The following GPC6 variants were observed in gnomAD, a reference collection of about 807,000 sequenced individuals.
GPC6 encodes the protein glypican 6, also known as glypican-6.
Under a neutral mutation model 55.2 loss-of-function variants are expected in GPC6, and 14 were observed. The observed-to-expected ratio is 0.25, with a 90% CI of 0.17 to 0.40. GPC6 has a LOEUF of 0.40. GPC6 is among the 10% of genes least tolerant of loss of function. The pLI is 1.00. For missense variants in GPC6, 641 were observed against 708.5 expected (o/e 0.90, Z 1.08); for synonymous variants, 278 against 259.6 (o/e 1.07, Z -0.68).
chr13:94,372,398 T>C (rs1879596805), intron 6 of GPC6, among the ~76,000 whole-genome samples: 1 of 152,116 alleles, frequency 6.6e-6, no homozygotes, highest in South Asian at 2.1e-4. Context: ...TTGCCTCACT[T>C]GGGAAGCGCA....
chr13:93,354,042 A>G (rs1880734913), intron 1 of GPC6, among the ~76,000 whole-genome samples: 1 of 152,158 alleles, frequency 6.6e-6, no homozygotes, highest in South Asian at 2.1e-4. Context: ...ATTATGATCT[A>G]TTTTTCTAAA....
intron 1 of GPC6, among the ~76,000 whole-genome samples, chr13:93,291,680 A>T (rs1431691399): frequency 6.6e-6 from 1 of 152,050 alleles, no homozygotes. Context: ...TTCATTTTTG[A>T]AATATAATTC....
intron 2 of GPC6, among the ~76,000 whole-genome samples, chr13:93,667,220 T>G (rs1881173093): frequency 6.6e-6 from 1 of 152,164 alleles, no homozygotes; most frequent in South Asian, 2.1e-4. Context: ...TTGAGGATTA[T>G]TGACATAACA....
chr13:94,307,820 G>A (rs1440404328), intron 6 of GPC6, among the ~76,000 whole-genome samples: 1 of 152,148 alleles, frequency 6.6e-6, no homozygotes, highest in Admixed American at 6.5e-5. Flanking sequence ...TGGTGAGTAT[G>A]GGTTTGGTCC....
chr13:93,585,499 G>A (rs1877150295), intron 2 of GPC6, among the ~76,000 whole-genome samples: 1 of 152,160 alleles, frequency 6.6e-6, no homozygotes, highest in South Asian at 2.1e-4. Flanking sequence ...ACTAAGTGCT[G>A]AGATGTTTGA....
At chr13:93,766,881 G>A (rs1247621446) in intron 2 of GPC6, among the ~76,000 whole-genome samples, 3 of 152,002 alleles carry the variant, frequency 2.0e-5, no homozygotes, top group African/African-American at 4.8e-5. Flanking sequence ...TGTTACTGGT[G>A]GCCAAAGAAA....
intron 4 of GPC6, among the ~76,000 whole-genome samples, chr13:94,095,455 C>T (rs1274483577): frequency 1.3e-5 from 2 of 152,148 alleles, no homozygotes. Context: ...TTATTCAACT[C>T]AACGTATCCA....
intron 1 of GPC6, among the ~76,000 whole-genome samples, chr13:93,285,579 A>T (rs1053429043): frequency 6.7e-6 from 1 of 149,736 alleles, no homozygotes; most frequent in Non-Finnish European, 1.5e-5. Flanking sequence ...AAATTGAGAA[A>T]TTATTTTTCC....
At chr13:94,108,325 A>G (rs953735946) in intron 4 of GPC6, among the ~76,000 whole-genome samples, 1 of 152,156 alleles carries the variant, frequency 6.6e-6, no homozygotes, top group Non-Finnish European at 1.5e-5. Context: ...ACTCATAAAT[A>G]GGAGCCAAAC....
At chr13:93,478,079 T>C (rs1024941245) in intron 1 of GPC6, among the ~76,000 whole-genome samples, 2 of 152,132 alleles carry the variant, frequency 1.3e-5, no homozygotes, top group African/African-American at 4.8e-5. Context: ...TACTATGAGA[T>C]GGCTATTGGG....
At chr13:93,454,686 C>A (rs572811714) in intron 1 of GPC6, among the ~76,000 whole-genome samples, 13 of 152,348 alleles carry the variant, frequency 8.5e-5, no homozygotes, top group Admixed American at 2.6e-4. Flanking sequence ...TAAAGGTTCT[C>A]CAAGGCCCCA....
At chr13:94,383,869 C>T (rs539660030) in intron 7 of GPC6, among the ~76,000 whole-genome samples, 5 of 152,158 alleles carry the variant, frequency 3.3e-5, no homozygotes, top group African/African-American at 1.2e-4. Flanking sequence ...GAAGCAGGTG[C>T]CTTCCTCACA....
chr13:93,517,374 C>T (rs1044593512), intron 1 of GPC6, among the ~76,000 whole-genome samples: 2 of 152,098 alleles, frequency 1.3e-5, no homozygotes, highest in South Asian at 2.1e-4. Context: ...GCTACATTTT[C>T]ATATGCTAAC....
At chr13:93,345,368 G>A (rs543526673) in intron 1 of GPC6, among the ~76,000 whole-genome samples, 1 of 152,094 alleles carries the variant, frequency 6.6e-6, no homozygotes, top group Non-Finnish European at 1.5e-5. Flanking sequence ...GGTTATTTTT[G>A]TTGTTGATGA....
At chr13:93,829,190 C>G (rs1157599750) in intron 2 of GPC6, among the ~76,000 whole-genome samples, 1 of 152,150 alleles carries the variant, frequency 6.6e-6, no homozygotes, top group African/African-American at 2.4e-5. Context: ...TTAGCTCTTT[C>G]CCTACCCCAA....
intron 2 of GPC6, among the ~76,000 whole-genome samples, chr13:93,607,325 AT>A (rs1878275566): frequency 6.6e-6 from 1 of 152,248 alleles, no homozygotes; most frequent in African/African-American, 2.4e-5. Flanking sequence ...AAAATTATTC[AT>A]ATGCCAGCTG....
intron 1 of GPC6, among the ~76,000 whole-genome samples, chr13:93,513,894 TC>T (rs1378346617): frequency 0.013 from 1,795 of 143,308 alleles, 73 homozygotes; most frequent in Middle Eastern, 0.022. Context: ...TTTTTTTTTT[TC>T]GGTGTTTCAC....
At chr13:93,822,434 C>T (rs1887083237) in intron 2 of GPC6, among the ~76,000 whole-genome samples, 1 of 152,108 alleles carries the variant, frequency 6.6e-6, no homozygotes, top group East Asian at 1.9e-4. Flanking sequence ...ACAATAATCA[C>T]ACATGAAAAT....
At chr13:93,780,573 T>C (rs1368274971) in intron 2 of GPC6, among the ~76,000 whole-genome samples, 1 of 148,378 alleles carries the variant, frequency 6.7e-6, no homozygotes, top group Non-Finnish European at 1.5e-5. Context: ...TTAATGACTT[T>C]ATGGTTCACG....
Sources: allele counts gnomAD v4.1 joint callset (sites outside exome capture counted in the v4.1 genomes callset), GRCh38; gene constraint gnomAD v4.1.1; transcripts MANE v1.5; gene names NCBI Gene and HGNC (gene_info 2026-07-23, HGNC 2026-07-21).